CDH13: variants seen among roughly 807,000 people sequenced by gnomAD.
CDH13 encodes the protein cadherin-13.
CDH13 carries 24 observed loss-of-function variants against 63.8 expected under a neutral mutation model. The ratio of observed to expected loss-of-function variants is 0.38; its 90% CI spans 0.27 to 0.53. CDH13 has a LOEUF of 0.53. CDH13 is among the 20% of genes least tolerant of loss of function. The probability of loss-of-function intolerance (pLI) is 0.85; values close to 1 mark genes in which losing one functional copy is unlikely to be tolerated. For synonymous variants in CDH13, 503 were observed against 355.3 expected, an observed-to-expected ratio of 1.42 and a Z score of -4.67; for missense variants, 1,049 against 903.1, an observed-to-expected ratio of 1.16 and a Z score of -2.07.
chr16:83,517,265 A>C (rs966671106), intron 7 of CDH13, among the ~76,000 whole-genome samples: 3 of 152,268 alleles, frequency 2.0e-5, no homozygotes, highest in Non-Finnish European at 2.9e-5. Context: ...AGAGATTATC[A>C]ATCTAAAAGC....
At chr16:83,000,999 T>G in intron 2 of CDH13, among the ~76,000 whole-genome samples, 1 of 152,194 alleles carries the variant, frequency 6.6e-6, no homozygotes, top group Non-Finnish European at 1.5e-5. Context: ...CCTCAGCTGA[T>G]TTTACTACCA....
At chr16:83,111,873 G>T (rs1274743650) in intron 3 of CDH13, among the ~76,000 whole-genome samples, 2 of 152,148 alleles carry the variant, frequency 1.3e-5, no homozygotes, top group Non-Finnish European at 2.9e-5. Context: ...ACTTCTCCCT[G>T]ATGAAGCATT....
At chr16:83,453,560 G>T (rs1275219214) in intron 6 of CDH13, among the ~76,000 whole-genome samples, 1 of 152,104 alleles carries the variant, frequency 6.6e-6, no homozygotes, top group Non-Finnish European at 1.5e-5. Context: ...TCACAATGTT[G>T]ATGGGTGTCC....
intron 2 of CDH13, among the ~76,000 whole-genome samples, chr16:82,978,045 G>A (rs1036048568): frequency 3.3e-5 from 5 of 152,140 alleles, no homozygotes; most frequent in Admixed American, 6.5e-5. Flanking sequence ...TTAGCACAGG[G>A]ACTGGTGGCA....
chr16:83,650,332 TACCC>T (rs1292970400), intron 8 of CDH13, among the ~76,000 whole-genome samples: 1 of 152,266 alleles, frequency 6.6e-6, no homozygotes, highest in African/African-American at 2.4e-5. Flanking sequence ...TCTTTGGTTT[TACCC>T]TTGAATGTTT....
Position 83,547,524 on chromosome 16 carries a change from C to A in CDH13, c.961-54930C>A, listed in dbSNP as rs540528577. On this transcript the variant is annotated intron_variant, in intron 7 of 13. Coordinates refer to ENST00000567109, the MANE Select transcript of CDH13 (RefSeq NM_001257.5). ...GTGTCCATGCTTTCTCATTATTTAG[C>A]TCCCACTTATAAGCGAGTACATGCA... Among the ~76,000 whole-genome samples, 7 of 152,274 alleles carry A rather than the reference C, an allele frequency of 4.6e-5. No homozygotes were observed. The South Asian group carries it at 1.2e-3, about 27-fold the overall frequency.
chr16:83,427,721 C>G (rs1389353651), intron 6 of CDH13, among the ~76,000 whole-genome samples: 1 of 152,144 alleles, frequency 6.6e-6, no homozygotes, highest in African/African-American at 2.4e-5. Flanking sequence ...TGCTACTAAG[C>G]ACCTCTGCAC....
intron 4 of CDH13, chr16:83,171,654 A>G (rs2037922973): frequency 1.8e-6 from 2 of 1,087,108 alleles, no homozygotes; most frequent in South Asian, 2.7e-5. Context: ...CCATCAGGGG[A>G]TTTAGTGACA....
chr16:82,834,238 T>C (rs967216636), intron 1 of CDH13, among the ~76,000 whole-genome samples: 4 of 152,134 alleles, frequency 2.6e-5, no homozygotes, highest in Non-Finnish European at 5.9e-5. Context: ...GTCAACGCCT[T>C]GTGCATGAAA....
intron 11 of CDH13, among the ~76,000 whole-genome samples, chr16:83,756,817 G>A (rs190445783): frequency 5.8e-4 from 89 of 152,310 alleles, no homozygotes; most frequent in African/African-American, 1.9e-3. Flanking sequence ...AAAAAGAGAA[G>A]TAGACAAATC....
chr16:82,906,708 C>G (rs557183023), intron 2 of CDH13, among the ~76,000 whole-genome samples: 1 of 152,160 alleles, frequency 6.6e-6, no homozygotes, highest in Admixed American at 6.5e-5. Flanking sequence ...ATTCCATATT[C>G]ATGGTTTCGG....
chr16:82,834,774 G>C (rs2087939327), intron 1 of CDH13, among the ~76,000 whole-genome samples: 1 of 152,206 alleles, frequency 6.6e-6, no homozygotes, highest in East Asian at 1.9e-4. Flanking sequence ...CTCTGGAAAG[G>C]GGTCTGCAAA....
At chr16:83,188,490 C>G (rs1399964351) in intron 4 of CDH13, among the ~76,000 whole-genome samples, 1 of 152,226 alleles carries the variant, frequency 6.6e-6, no homozygotes, top group East Asian at 1.9e-4. Flanking sequence ...TGTAAAGAAG[C>G]CAGCCTCGCT....
intron 2 of CDH13, among the ~76,000 whole-genome samples, chr16:82,931,174 T>A (rs2042477761): frequency 6.6e-6 from 1 of 152,208 alleles, no homozygotes; most frequent in Admixed American, 6.5e-5. Flanking sequence ...AATTTATACT[T>A]TGATTTCCCT....
At chr16:83,415,659 CAT>C (rs1404875138) in intron 6 of CDH13, among the ~76,000 whole-genome samples, 14 of 152,260 alleles carry the variant, frequency 9.2e-5, no homozygotes, top group Non-Finnish European at 1.8e-4. Context: ...ATAAAAACCA[CAT>C]GATTGTCTCA....
At chr16:83,066,105 T>C (rs963395443) in intron 3 of CDH13, among the ~76,000 whole-genome samples, 1 of 152,230 alleles carries the variant, frequency 6.6e-6, no homozygotes, top group African/African-American at 2.4e-5. Context: ...TGTAATACGA[T>C]AGTGACAGCT....
intron 7 of CDH13, among the ~76,000 whole-genome samples, chr16:83,498,630 C>T (rs2074201881): frequency 6.6e-6 from 1 of 152,094 alleles, no homozygotes; most frequent in Admixed American, 6.6e-5. Context: ...AGATAGAGAC[C>T]TCAATGTCAC....
intron 2 of CDH13, among the ~76,000 whole-genome samples, chr16:82,956,730 G>T (rs1241157416): frequency 6.6e-6 from 1 of 152,182 alleles, no homozygotes; most frequent in African/African-American, 2.4e-5. Context: ...TCCCTAGAAT[G>T]TGCCAGGTTC....
intron 6 of CDH13, among the ~76,000 whole-genome samples, chr16:83,364,224 A>C (rs533738878): frequency 4.5e-4 from 68 of 152,286 alleles, no homozygotes; most frequent in Admixed American, 9.2e-4. Flanking sequence ...ATAAGTCCAC[A>C]TACAAAATGG....
Sources: gnomAD v4.1 joint callset for allele counts (sites outside exome capture counted in the v4.1 genomes callset) on GRCh38, gnomAD v4.1.1 for gene constraint, MANE v1.5 for transcripts, NCBI Gene and HGNC (gene_info 2026-07-23, HGNC 2026-07-21) for gene names.